Variants in CCDC91 observed in about 807,000 individuals in gnomAD.
CCDC91 encodes the protein coiled-coil domain containing 91.
Under a neutral mutation model 63.2 loss-of-function variants are expected in CCDC91, and 48 were observed. The ratio of observed to expected loss-of-function variants is 0.76; its 90% confidence interval spans 0.60 to 0.97. The LOEUF (loss-of-function observed/expected upper bound fraction) is 0.97. Among genes scored for constraint, CCDC91 ranks in the 50% least tolerant of loss-of-function variants. The pLI is 0.00. For missense variants in CCDC91, 500 were observed against 494.6 expected, an observed-to-expected ratio of 1.01 and a Z score of -0.10; for synonymous variants, 167 against 165.8, an observed-to-expected ratio of 1.01 and a Z score of -0.06.
chr12:28,204,640 C>G (rs908136706), intron 1 of CCDC91, among the ~76,000 whole-genome samples: 1 of 152,090 alleles, frequency 6.6e-6, no homozygotes, highest in African/African-American at 2.4e-5. Flanking sequence ...CTTCTCTTTA[C>G]TCTCCTTATT....
At chr12:28,240,828 A>G (rs1198422064) in intron 1 of CCDC91, among the ~76,000 whole-genome samples, 2 of 152,200 alleles carry the variant, frequency 1.3e-5, no homozygotes, top group African/African-American at 2.4e-5. Context: ...GCTATGAACA[A>G]TCATGTACTG....
intron 6 of CCDC91, among the ~76,000 whole-genome samples, chr12:28,313,128 C>G (rs900177602): frequency 5.3e-5 from 8 of 151,762 alleles, no homozygotes; most frequent in Admixed American, 3.3e-4. Context: ...ATCTAACATA[C>G]AGGTCTTTTA....
chr12:28,437,883 T>C (rs1394562669), intron 8 of CCDC91, among the ~76,000 whole-genome samples: 5 of 152,120 alleles, frequency 3.3e-5, no homozygotes, highest in Admixed American at 2.0e-4. Context: ...AAGTATTCTT[T>C]TGTCAACTGA....
chr12:28,344,925 C>G (rs888027107), intron 6 of CCDC91, among the ~76,000 whole-genome samples: 3 of 152,130 alleles, frequency 2.0e-5, no homozygotes, highest in Non-Finnish European at 4.4e-5. Flanking sequence ...ATTATTTCCT[C>G]TCAATATGTC....
chr12:28,303,430 C>G (rs1318235081), intron 3 of CCDC91, among the ~76,000 whole-genome samples: 1 of 151,972 alleles, frequency 6.6e-6, no homozygotes, highest in Non-Finnish European at 1.5e-5. Context: ...CCTACTTTCC[C>G]TCCTTTCTCC....
chr12:28,360,983 G>A (rs1270982530), intron 6 of CCDC91, among the ~76,000 whole-genome samples: 5 of 150,650 alleles, frequency 3.3e-5, no homozygotes, highest in African/African-American at 1.2e-4. Flanking sequence ...CTTTAGTTTT[G>A]GTAAATTGTG....
chr12:28,215,422 A>C (rs1435841833), intron 1 of CCDC91, among the ~76,000 whole-genome samples: 2 of 152,136 alleles, frequency 1.3e-5, no homozygotes, highest in Non-Finnish European at 2.9e-5. Flanking sequence ...TGCTTACCAA[A>C]AAAGTAGAAA....
intron 8 of CCDC91, among the ~76,000 whole-genome samples, chr12:28,428,921 G>A (rs1263841016): frequency 2.0e-5 from 3 of 152,072 alleles, no homozygotes; most frequent in Non-Finnish European, 2.9e-5. Flanking sequence ...GGAGTCTAAT[G>A]TCTATATAAA....
chr12:28,482,780 T>C (rs974454779), intron 11 of CCDC91, among the ~76,000 whole-genome samples: 1 of 151,990 alleles, frequency 6.6e-6, no homozygotes, highest in African/African-American at 2.4e-5. Context: ...ACTTTTTGAA[T>C]TGGTCCAAAG....
At chr12:28,484,787 C>T (rs1385052497) in intron 12 of CCDC91, among the ~76,000 whole-genome samples, 4 of 151,498 alleles carry the variant, frequency 2.6e-5, no homozygotes, top group African/African-American at 7.3e-5. Context: ...CTAAGCAATA[C>T]ACAAAATAAG....
chr12:28,414,729 T>C (rs1947534311), intron 8 of CCDC91, among the ~76,000 whole-genome samples: 2 of 152,310 alleles, frequency 1.3e-5, no homozygotes, highest in South Asian at 4.1e-4. Flanking sequence ...TAATGATATA[T>C]TGTTACAAGA....
At chr12:28,409,615 A>C (rs1423721438) in intron 8 of CCDC91, among the ~76,000 whole-genome samples, 1 of 152,004 alleles carries the variant, frequency 6.6e-6, no homozygotes, top group Non-Finnish European at 1.5e-5. Flanking sequence ...CATTTATTCT[A>C]GTGTTTTAAA....
At chr12:28,354,009 A>G (rs747560550) in intron 6 of CCDC91, among the ~76,000 whole-genome samples, 3 of 152,198 alleles carry the variant, frequency 2.0e-5, no homozygotes, top group Admixed American at 6.5e-5. Flanking sequence ...CAAGTTTTCT[A>G]CGTAACAAAC....
At chr12:28,443,908 C>G (rs1167135834) in intron 8 of CCDC91, among the ~76,000 whole-genome samples, 1 of 152,150 alleles carries the variant, frequency 6.6e-6, no homozygotes, top group East Asian at 1.9e-4. Flanking sequence ...ACTTGCTAAA[C>G]GCAAACTATA....
chr12:28,514,021 CTT>C (rs1300136084), intron 12 of CCDC91, among the ~76,000 whole-genome samples: 2 of 151,860 alleles, frequency 1.3e-5, no homozygotes, highest in African/African-American at 4.8e-5. Flanking sequence ...GTTTTTAGCT[CTT>C]TGAGGAATTG....
intron 6 of CCDC91, among the ~76,000 whole-genome samples, chr12:28,320,110 A>G (rs1177367301): frequency 6.6e-6 from 1 of 151,948 alleles, no homozygotes; most frequent in Non-Finnish European, 1.5e-5. Flanking sequence ...TAATTATGAT[A>G]CTTTTTCTAT....
intron 6 of CCDC91, among the ~76,000 whole-genome samples, chr12:28,350,430 A>G (rs1943105116): frequency 6.6e-6 from 1 of 152,196 alleles, no homozygotes; most frequent in Admixed American, 6.5e-5. Context: ...GAAAAAGGCC[A>G]TGTCATAATC....
chr12:28,299,615 A>C (rs1937818003), intron 3 of CCDC91, among the ~76,000 whole-genome samples: 2 of 151,702 alleles, frequency 1.3e-5, no homozygotes, highest in Non-Finnish European at 3.0e-5. Context: ...TATTCAGAGA[A>C]GAGAGATTTC....
intron 12 of CCDC91, among the ~76,000 whole-genome samples, chr12:28,512,452 T>A (rs577069286): frequency 6.6e-6 from 1 of 151,976 alleles, no homozygotes; most frequent in Admixed American, 6.6e-5. Context: ...AGGCCAGCTA[T>A]CTATCTAGCA....
Sources: allele counts gnomAD v4.1 joint callset (sites outside exome capture counted in the v4.1 genomes callset), GRCh38; gene constraint gnomAD v4.1.1; transcripts MANE v1.5; gene names NCBI Gene and HGNC (gene_info 2026-07-23, HGNC 2026-07-21).